RTN4: variants seen among roughly 807,000 people sequenced by gnomAD.
RTN4 encodes the protein reticulon-4.
In RTN4, 32 loss-of-function variants were observed where a neutral mutation model predicts 90.4. The observed-to-expected ratio is 0.35, with a 90% confidence interval of 0.27 to 0.48. The LOEUF is 0.48. Ranked by LOEUF, RTN4 falls within the 20% of genes least tolerant of loss-of-function variation. RTN4 has a pLI of 0.99. For synonymous variants in RTN4, 629 were observed against 552.5 expected, an observed-to-expected ratio of 1.14 and a Z score of -1.94; for missense variants, 1,706 against 1,430.2, an observed-to-expected ratio of 1.19 and a Z score of -3.11.
intron 3 of RTN4, among the ~76,000 whole-genome samples, chr2:54,989,410 G>A (rs563444833): frequency 1.3e-5 from 2 of 152,154 alleles, no homozygotes; most frequent in African/African-American, 2.4e-5. Flanking sequence ...ATCTAAAGGC[G>A]CTTAGTGCTA....
intron 3 of RTN4, among the ~76,000 whole-genome samples, chr2:55,002,498 T>C (rs1429388833): frequency 2.0e-5 from 3 of 152,336 alleles, no homozygotes; most frequent in Non-Finnish European, 4.4e-5. Flanking sequence ...AATAACACCA[T>C]ACATGCTTCA....
the RTN4 span, among the ~76,000 whole-genome samples, chr2:55,135,270 C>T: frequency 6.9e-6 from 1 of 143,986 alleles, no homozygotes; most frequent in Non-Finnish European, 1.5e-5. Flanking sequence ...TGCAGTGGCT[C>T]AATCTTGACT....
intron 3 of RTN4, among the ~76,000 whole-genome samples, chr2:55,016,903 T>C (rs2104819215): frequency 6.6e-6 from 1 of 152,326 alleles, no homozygotes; most frequent in East Asian, 1.9e-4. Context: ...AGAACTCAGG[T>C]CTGTAAAATG....
chr2:55,034,046 G>A (rs930569789), intron 1 of RTN4, among the ~76,000 whole-genome samples: 2 of 152,140 alleles, frequency 1.3e-5, no homozygotes, highest in Non-Finnish European at 2.9e-5. Context: ...GTAATATACT[G>A]ATTGGTTAAC....
At chr2:55,028,910 C>A (rs1195519987) in intron 1 of RTN4, among the ~76,000 whole-genome samples, 1 of 152,142 alleles carries the variant, frequency 6.6e-6, no homozygotes, top group East Asian at 1.9e-4. Context: ...TAAGGCAATT[C>A]AATTCCAGAG....
chr2:55,039,988 T>C, intron 1 of RTN4, among the ~76,000 whole-genome samples: 1 of 152,186 alleles, frequency 6.6e-6, no homozygotes. Flanking sequence ...AGAGTAAGTT[T>C]GGTTGATGAG....
intron 5 of RTN4, among the ~76,000 whole-genome samples, chr2:54,977,627 C>T (rs1365248034): frequency 1.3e-5 from 2 of 152,072 alleles, no homozygotes; most frequent in East Asian, 1.9e-4. Flanking sequence ...AAAGCTGAGC[C>T]CAGTAGGCAT....
chr2:55,025,430 G>C lies in RTN4; in HGVS notation c.2669C>G (p.Thr890Ser). 1.2e-6 allele frequency: 2 copies of C among 1,613,848 alleles called. No homozygotes were observed. Among genetic ancestry groups the C allele is most frequent in the Non-Finnish European group, 1.7e-6 (2 of 1,179,832 alleles). The change falls in exon 3 of 9, where the codon ACT becomes AGT. Residue 890 changes from threonine (T) to serine (S), a missense_variant. By Grantham distance (58) the Thr-to-Ser change is moderately conservative (BLOSUM62 1). Transcript: ENST00000337526. ...DSFSKLAREY[T>S]DLEVSHKSEI... ...ACTTTTGTGGGATACTTCTAGGTCA[G>C]TATATTCCCTGGCTAATTTAGAAAA...
the RTN4 span, among the ~76,000 whole-genome samples, chr2:55,118,672 G>T: frequency 2.0e-5 from 3 of 152,094 alleles, no homozygotes; most frequent in Admixed American, 2.0e-4. Context: ...CACCAAACCA[G>T]GAGTTAAGTC....
upstream of RTN4, among the ~76,000 whole-genome samples, chr2:55,117,142 G>A (rs556165153): frequency 1.2e-4 from 19 of 152,244 alleles, no homozygotes; most frequent in Admixed American, 9.2e-4. Context: ...CCAAAGTGCC[G>A]GGATTACAGG....
In RTN4 at chr2:55,025,429, A is replaced by C. The variant is rs777670847; in HGVS notation, c.2670T>G (p.Thr890=). Residue 890 remains threonine (T), a synonymous_variant, in exon 3 of 9, where the codon ACT becomes ACG. Coordinates refer to ENST00000337526, the MANE Select transcript of RTN4 (RefSeq NM_020532.5). ...CACTTTTGTGGGATACTTCTAGGTC[A>C]GTATATTCCCTGGCTAATTTAGAAA... is the stretch of plus-strand genomic sequence containing the variant. The part of the protein sequence containing the change: ...DSFSKLAREY[T]DLEVSHKSEI... 2 of 1,613,916 alleles carry C rather than the reference A, an allele frequency of 1.2e-6. No homozygotes were observed. Among genetic ancestry groups the C allele is most frequent in the Middle Eastern group, 1.6e-4 (1 of 6,062 alleles).
chr2:55,008,716 A>C (rs182203321), intron 3 of RTN4, among the ~76,000 whole-genome samples: 32 of 152,258 alleles, frequency 2.1e-4, no homozygotes, highest in African/African-American at 7.5e-4. Context: ...TCAACAAATA[A>C]AGAACTTAAG....
intron 1 of RTN4, among the ~76,000 whole-genome samples, chr2:55,095,051 C>A (rs538060952): frequency 6.6e-6 from 1 of 152,202 alleles, no homozygotes; most frequent in South Asian, 2.1e-4. Context: ...AGGCTGGGCG[C>A]GGTGGCTCAC....
In RTN4 at chr2:54,972,838, C is replaced by CAAGA. The variant is rs1001379519; in HGVS notation, c.*314_*317dup. The CAAGA allele has an allele frequency of 4.5e-4, 109 of 243,642 alleles. 1 individual carries two copies. The highest frequency in any genetic ancestry group is 2.4e-3 in the African/African-American group (104 of 44,192). 15.1% of individuals were successfully genotyped at this position (243,642 alleles called of 1,614,324 possible). On this transcript the variant is annotated 3_prime_UTR_variant, in exon 9 of 9. Transcript: ENST00000337526. ...TAGCTCCACCATCTCTGCAACTTGC[C>CAAGA]AAGATGCGGCAAGACTATCTGCAAC...
chr2:54,987,556 G>C lies in RTN4; in HGVS notation c.3156C>G (p.Ile1052Met), dbSNP rs748580858. 4.3e-6 allele frequency: 7 copies of C among 1,614,154 alleles called. No individual in the cohort carries two copies. In the East Asian group the frequency reaches 1.6e-4, roughly 36 times the overall value. Residue 1052 changes from isoleucine (I) to methionine (M), a missense_variant, in exon 4 of 9, where the codon ATC becomes ATG. Coordinates refer to ENST00000337526, the MANE Select transcript of RTN4 (RefSeq NM_020532.5). ...YIALALLSVT[I>M]SFRIYKGVIQ... ...TCACACCCTTGTATATCCTAAAGCTGATGGTCACAGAGAGCAGGGCCAAGG... is the reference window on the plus strand; with the variant it reads ...TCACACCCTTGTATATCCTAAAGCTCATGGTCACAGAGAGCAGGGCCAAGG...
intron 3 of RTN4, 125 bp from the exon 4 acceptor site, chr2:54,987,823 AAGTT>A: frequency 1.4e-6 from 1 of 737,016 alleles, no homozygotes; most frequent in South Asian, 1.9e-5. Context: ...AAGAAACACT[AAGTT>A]AAAGAAACAC....
At chr2:55,095,597 T>C (rs1573514207) in intron 1 of RTN4, among the ~76,000 whole-genome samples, 1 of 152,158 alleles carries the variant, frequency 6.6e-6, no homozygotes, top group South Asian at 2.1e-4. Context: ...CACTGTAGCC[T>C]TGACCTCCCA....
chr2:54,988,393 A>G (rs1325100755), intron 3 of RTN4, among the ~76,000 whole-genome samples: 15 of 152,200 alleles, frequency 9.9e-5, no homozygotes. Context: ...ATATATTCCA[A>G]TAACAGAAAA....
chr2:55,055,007 CAGTT>C (rs1668164214), upstream of RTN4, among the ~76,000 whole-genome samples: 1 of 151,978 alleles, frequency 6.6e-6, no homozygotes, highest in Non-Finnish European at 1.5e-5. Flanking sequence ...TAAGCATTGA[CAGTT>C]AGTGTTGGAT....
Sources: allele counts gnomAD v4.1 joint callset (sites outside exome capture counted in the v4.1 genomes callset), GRCh38; gene constraint gnomAD v4.1.1; transcripts MANE v1.5; gene names NCBI Gene and HGNC (gene_info 2026-07-23, HGNC 2026-07-21).